AUTS2: variants seen among roughly 807,000 people sequenced by gnomAD.
The protein encoded by AUTS2 is activator of transcription and developmental regulator AUTS2, also known as autism susceptibility gene 2 protein.
A neutral mutation model predicts 112.4 loss-of-function variants in AUTS2; 17 were observed. The ratio of observed to expected loss-of-function variants is 0.15; its 90% confidence interval spans 0.10 to 0.23. AUTS2 has a LOEUF of 0.23. AUTS2 is among the 10% of genes least tolerant of loss of function. The pLI, the probability that AUTS2 is intolerant of heterozygous loss-of-function variation, is 1.00. For missense variants in AUTS2, 1,510 were observed against 1,701.6 expected, an observed-to-expected ratio of 0.89 and a Z score of 1.98; for synonymous variants, 751 against 702.7, an observed-to-expected ratio of 1.07 and a Z score of -1.09.
chr7:69,694,568 C>G, intron 1 of AUTS2, among the ~76,000 whole-genome samples: 1 of 152,106 alleles, frequency 6.6e-6, no homozygotes, highest in Non-Finnish European at 1.5e-5. Context: ...GGCTTGGGCT[C>G]ACGAGTTTGA....
rs564588926 is a variant in AUTS2, at chr7:70,788,107, C to A, written c.2531+676C>A. On this transcript the variant is annotated intron_variant, in intron 18 of 18. Transcript: ENST00000342771. ...TTGGAGTTTTTTTTCCAAAGAATAT[C>A]GTAACGCATTCTTGACAAAAATGTC... Among the ~76,000 whole-genome samples, 284 of 151,802 alleles carry A rather than the reference C, an allele frequency of 1.9e-3. 3 individuals are homozygous for A. Among genetic ancestry groups the A allele is most frequent in the African/African-American group, 6.5e-3 (271 of 41,428 alleles).
rs907314617 is a variant in AUTS2 at position 70,528,109 on chromosome 7, T to A, written c.690+92328T>A. Among the ~76,000 whole-genome samples, 476 of 148,052 alleles carry A rather than the reference T, an allele frequency of 3.2e-3. 3 individuals are homozygous for A. The highest frequency in any genetic ancestry group is 0.012 in the African/African-American group (453 of 39,322). On this transcript the variant is annotated intron_variant, in intron 5 of 18. Coordinates refer to ENST00000342771, the MANE Select transcript of AUTS2 (RefSeq NM_015570.4). ...AATTTAAGGATTTTTTTTTTTTTTT[T>A]TTTTTTTTTTACTGGAGTGTTACAC... is the stretch of plus-strand genomic sequence containing the variant.
intron 5 of AUTS2, among the ~76,000 whole-genome samples, chr7:70,696,674 AACACACAC>A (rs35577599): frequency 6.7e-6 from 1 of 150,156 alleles, no homozygotes; most frequent in East Asian, 2.0e-4. Context: ...TTTTCACTCG[AACACACAC>A]ACACACACAC....
intron 5 of AUTS2, among the ~76,000 whole-genome samples, chr7:70,536,611 C>G (rs1345222360): frequency 1.1e-5 from 1 of 88,242 alleles, no homozygotes; most frequent in East Asian, 3.7e-4. Flanking sequence ...GTAGAAGAAT[C>G]AAAAGTAGGC....
chr7:70,773,900 A>G (rs1371720729), intron 11 of AUTS2, 128 bp from the exon 12 acceptor site: 2 of 847,864 alleles, frequency 2.4e-6, no homozygotes, highest in Non-Finnish European at 3.8e-6. Flanking sequence ...AGAAAAATGA[A>G]TCTTGCGTTT....
intron 6 of AUTS2, among the ~76,000 whole-genome samples, chr7:70,760,497 A>G (rs974279114): frequency 3.9e-5 from 6 of 152,258 alleles, no homozygotes; most frequent in Admixed American, 6.5e-5. Flanking sequence ...AAAGGCCTGG[A>G]TCATGCATAT....
rs1042163548 is a variant in AUTS2 at position 70,277,763 on chromosome 7, T to C, written c.660+143192T>C. Among the ~76,000 whole-genome samples the C allele has an allele frequency of 2.0e-5, 3 of 152,150 alleles. No homozygotes were observed. The East Asian group carries it at 5.8e-4, about 29-fold the overall frequency. ...ATTCTAGATTTCTGTTTTTTGTTGT[T>C]GTGTATGTCAGGGCCCAGACTATGT... On this transcript the variant is annotated intron_variant, in intron 4 of 18. Coordinates refer to ENST00000342771, the MANE Select transcript of AUTS2 (RefSeq NM_015570.4).
intron 4 of AUTS2, among the ~76,000 whole-genome samples, chr7:70,175,411 A>G (rs1188329166): frequency 6.6e-6 from 1 of 152,028 alleles, no homozygotes; most frequent in Non-Finnish European, 1.5e-5. Flanking sequence ...AATTTAGAAT[A>G]TTCCATAAAC....
rs980234931 is a variant in AUTS2 at position 69,636,487 on chromosome 7, C to A, written c.309+36525C>A. Among the ~76,000 whole-genome samples the A allele has an allele frequency of 3.5e-5, 3 of 85,382 alleles. 1 individual carries two copies. The highest frequency in any genetic ancestry group is 5.5e-5 in the Non-Finnish European group (2 of 36,194). The allele number at this position is 85,382 out of a possible 152,430, so 56.0% of individuals were successfully genotyped here. A position where few individuals can be genotyped will look rare whatever the true frequency, so the allele number is the denominator to read the frequency against. On this transcript the variant is annotated intron_variant, in intron 1 of 18. Coordinates refer to ENST00000342771, the MANE Select transcript of AUTS2 (RefSeq NM_015570.4). ...TGACCTCAAGTGATCCGCGCCCCCCCCCCCCCTTGGCCTCCCAAAGTGCTA... is the reference window on the plus strand; with the variant it reads ...TGACCTCAAGTGATCCGCGCCCCCCACCCCCCTTGGCCTCCCAAAGTGCTA...
intron 4 of AUTS2, chr7:70,292,841 A>G (rs983865136): frequency 3.9e-5 from 6 of 152,134 alleles, no homozygotes; most frequent in African/African-American, 1.4e-4. Flanking sequence ...ACTCTCGCCA[A>G]CCCCTTGTGC....
intron 2 of AUTS2, among the ~76,000 whole-genome samples, chr7:70,008,609 C>T (rs146293634): frequency 8.6e-4 from 131 of 152,220 alleles, no homozygotes; most frequent in Non-Finnish European, 1.6e-3. Context: ...ATCAGAAGGC[C>T]CATATCCAAA....
At chr7:69,801,741 C>T (rs2129338039) in intron 1 of AUTS2, among the ~76,000 whole-genome samples, 1 of 152,136 alleles carries the variant, frequency 6.6e-6, no homozygotes, top group Admixed American at 6.5e-5. Context: ...GTGCTCAAGA[C>T]ACAACAGTGA....
At chr7:70,390,402 G>T (rs1029773113) in intron 4 of AUTS2, among the ~76,000 whole-genome samples, 1 of 152,020 alleles carries the variant, frequency 6.6e-6, no homozygotes, top group African/African-American at 2.4e-5. Flanking sequence ...ATAATGAAAA[G>T]AATTTAGAAA....
intron 2 of AUTS2, among the ~76,000 whole-genome samples, chr7:70,018,120 C>T (rs1004980269): frequency 1.3e-5 from 2 of 152,038 alleles, no homozygotes. Context: ...ATTACTTTCC[C>T]ACTTTAGTTG....
At chr7:70,463,136 T>G (rs1330811260) in intron 5 of AUTS2, among the ~76,000 whole-genome samples, 3 of 152,206 alleles carry the variant, frequency 2.0e-5, no homozygotes, top group Non-Finnish European at 4.4e-5. Flanking sequence ...ATCTCCTGTT[T>G]CAGGGCAGTG....
intron 4 of AUTS2, among the ~76,000 whole-genome samples, chr7:70,191,979 G>C (rs1419445914): frequency 6.7e-6 from 1 of 149,650 alleles, no homozygotes; most frequent in African/African-American, 2.5e-5. Flanking sequence ...AGGCAGGGGA[G>C]AAAGAAAAAA....
chr7:70,184,624 A>T (rs533865425), intron 4 of AUTS2, among the ~76,000 whole-genome samples: 1 of 152,334 alleles, frequency 6.6e-6, no homozygotes, highest in South Asian at 2.1e-4. Context: ...CTTTTAGACT[A>T]CACAGGGTTT....
At chr7:69,650,865 C>G (rs1225680408) in intron 1 of AUTS2, among the ~76,000 whole-genome samples, 1 of 152,162 alleles carries the variant, frequency 6.6e-6, no homozygotes, top group Admixed American at 6.5e-5. Flanking sequence ...TTTCTGTCAC[C>G]TGGGCTTACC....
intron 2 of AUTS2, among the ~76,000 whole-genome samples, chr7:69,909,363 C>G (rs758357027): frequency 1.3e-5 from 2 of 152,164 alleles, no homozygotes; most frequent in Non-Finnish European, 2.9e-5. Context: ...CACTGGCTCA[C>G]TCAAATAATA....
Sources: allele counts gnomAD v4.1 joint callset (sites outside exome capture counted in the v4.1 genomes callset), GRCh38; gene constraint gnomAD v4.1.1; transcripts MANE v1.5; gene names NCBI Gene and HGNC (gene_info 2026-07-23, HGNC 2026-07-21).